Variants in ZBTB16 observed in about 807,000 individuals in gnomAD.
ZBTB16 encodes zinc finger and BTB domain-containing protein 16.
Under a neutral mutation model 56.8 loss-of-function variants are expected in ZBTB16, and 8 were observed. That is an observed-to-expected ratio of 0.14 (90% confidence interval 0.08 to 0.25). The LOEUF is 0.25. ZBTB16 is among the 10% of genes least tolerant of loss of function. ZBTB16 has a pLI of 1.00. For synonymous variants in ZBTB16, 363 were observed against 368.5 expected, an observed-to-expected ratio of 0.98 and a Z score of 0.17; for missense variants, 625 against 903.0, an observed-to-expected ratio of 0.69 and a Z score of 3.95.
chr11:114,173,838 T>C (rs1163286696), intron 3 of ZBTB16, among the ~76,000 whole-genome samples: 1 of 152,230 alleles, frequency 6.6e-6, no homozygotes, highest in Non-Finnish European at 1.5e-5. Flanking sequence ...CATTCATCAA[T>C]GTGAGAGTCC....
At chr11:114,144,632 C>T (rs761563051) in intron 2 of ZBTB16, among the ~76,000 whole-genome samples, 24 of 152,250 alleles carry the variant, frequency 1.6e-4, no homozygotes, top group Non-Finnish European at 2.9e-4. Context: ...GAGAGGCTCT[C>T]GCCCTTGGCT....
intron 2 of ZBTB16, among the ~76,000 whole-genome samples, chr11:114,072,555 CCTG>C (rs1313065041): frequency 3.3e-5 from 5 of 152,158 alleles, no homozygotes; most frequent in Non-Finnish European, 5.9e-5. Context: ...CCTTCCCTTT[CCTG>C]CCTGTCAGTG....
chr11:114,077,362 C>G (rs758446661), intron 2 of ZBTB16, among the ~76,000 whole-genome samples: 8 of 152,188 alleles, frequency 5.3e-5, no homozygotes, highest in Non-Finnish European at 7.3e-5. Flanking sequence ...AAGATGCCAC[C>G]TGGACCCCAG....
intron 2 of ZBTB16, among the ~76,000 whole-genome samples, chr11:114,080,942 C>T (rs997675740): frequency 2.0e-5 from 3 of 152,188 alleles, no homozygotes; most frequent in Non-Finnish European, 2.9e-5. Context: ...GTCCAAGAAT[C>T]ACAGTCAGAG....
Position 114,100,196 on chromosome 11 carries a change from C to T in ZBTB16, c.1268+35628C>T, listed in dbSNP as rs572022711. 2.6e-5 allele frequency among the ~76,000 whole-genome samples: 4 copies of T among 152,274 alleles called. No homozygotes were observed. The East Asian group carries it at 7.7e-4, about 29-fold the overall frequency. ...GCAGGTTCTCCTTAATCAGTAGTGG[C>T]AAAATGTCTCTTTCCTTTCTCCACG... On this transcript the variant is annotated intron_variant, in intron 2 of 6. Coordinates refer to ENST00000335953, the MANE Select transcript of ZBTB16 (RefSeq NM_006006.6).
At chr11:114,190,865 A>G (rs957932349) in intron 4 of ZBTB16, among the ~76,000 whole-genome samples, 1 of 152,196 alleles carries the variant, frequency 6.6e-6, no homozygotes, top group African/African-American at 2.4e-5. Context: ...TGGGTAATTT[A>G]CAAAGAGGTT....
chr11:114,160,135 C>A (rs973961988), intron 3 of ZBTB16, among the ~76,000 whole-genome samples: 1 of 152,172 alleles, frequency 6.6e-6, no homozygotes, highest in Non-Finnish European at 1.5e-5. Flanking sequence ...CCCCTCTTGG[C>A]GAGCATTGCC....
rs566015 is a variant in ZBTB16, at chr11:114,192,790, G to C, written c.1453+5752G>C. Among the ~76,000 whole-genome samples, 150 of 151,600 alleles carry C rather than the reference G, an allele frequency of 9.9e-4. 2 individuals carry two copies. The East Asian group carries it at 0.013, about 13-fold the overall frequency. Reference sequence around the variant, plus strand: ...CCAGCCATTTTCTTATTGCTAGACCGCATGTAACTGAGAATCCCACTCTGA... The same window carrying C: ...CCAGCCATTTTCTTATTGCTAGACCCCATGTAACTGAGAATCCCACTCTGA... On this transcript the variant is annotated intron_variant, in intron 4 of 6. Coordinates refer to ENST00000335953, the MANE Select transcript of ZBTB16 (RefSeq NM_006006.6).
chr11:114,065,371 C>A (rs1407732123), intron 2 of ZBTB16, among the ~76,000 whole-genome samples: 3 of 152,192 alleles, frequency 2.0e-5, no homozygotes, highest in Non-Finnish European at 2.9e-5. Context: ...TAAGCACTTT[C>A]CATGAGTTGC....
intron 6 of ZBTB16, among the ~76,000 whole-genome samples, chr11:114,248,678 C>T (rs1181555297): frequency 6.6e-6 from 1 of 152,138 alleles, no homozygotes; most frequent in Admixed American, 6.5e-5. Context: ...ACAGAAGGAG[C>T]AGTAAGCAGA....
chr11:114,072,779 G>A (rs550928779), intron 2 of ZBTB16, among the ~76,000 whole-genome samples: 9 of 152,256 alleles, frequency 5.9e-5, no homozygotes, highest in East Asian at 3.9e-4. Context: ...CAGGCCGGGC[G>A]CAGTGGCTCA....
At chr11:114,205,856 C>T (rs936047926) in intron 4 of ZBTB16, among the ~76,000 whole-genome samples, 8 of 152,258 alleles carry the variant, frequency 5.3e-5, no homozygotes, top group African/African-American at 1.9e-4. Flanking sequence ...TAGAGTCACT[C>T]TGACTGCTCT....
intron 4 of ZBTB16, among the ~76,000 whole-genome samples, chr11:114,193,805 G>A (rs1353070742): frequency 6.6e-6 from 1 of 152,174 alleles, no homozygotes; most frequent in Admixed American, 6.5e-5. Context: ...CCCTGGGACA[G>A]TAAAAATACT....
At chr11:114,114,753 C>A (rs1439480328) in intron 2 of ZBTB16, among the ~76,000 whole-genome samples, 1 of 151,186 alleles carries the variant, frequency 6.6e-6, no homozygotes, top group Non-Finnish European at 1.5e-5. Flanking sequence ...AATCTTGGCT[C>A]ACTGCAACCT....
intron 2 of ZBTB16, among the ~76,000 whole-genome samples, chr11:114,115,149 C>T (rs913953413): frequency 6.6e-6 from 1 of 152,086 alleles, no homozygotes; most frequent in Non-Finnish European, 1.5e-5. Flanking sequence ...TCTCTACCCT[C>T]GCCTGAGACA....
At chr11:114,088,339 G>A (rs2606723) in intron 2 of ZBTB16, among the ~76,000 whole-genome samples, 94,761 of 151,626 alleles carry the variant, frequency 0.62, 29,899 homozygotes, top group Non-Finnish European at 0.66. Flanking sequence ...ATGCGGTTTC[G>A]CCATGCTGGC....
At position 114,142,344 on chromosome 11, in the gene ZBTB16, A is replaced by G. The variant is rs148072078; in HGVS notation, c.1269-13993A>G. On this transcript the variant is annotated intron_variant, in intron 2 of 6. Coordinates refer to ENST00000335953, the MANE Select transcript of ZBTB16 (RefSeq NM_006006.6). ...TCTGTGCACAAGCCTTGAAATGACA[A>G]AGTACCCTTTAGTTAATTGCACAAC... is the stretch of plus-strand genomic sequence containing the variant. Among the ~76,000 whole-genome samples, 737 of 152,318 alleles carry G rather than the reference A, an allele frequency of 4.8e-3. 2 individuals carry two copies. Among genetic ancestry groups the G allele is most frequent in the Non-Finnish European group, 6.3e-3 (430 of 68,034 alleles).
intron 4 of ZBTB16, among the ~76,000 whole-genome samples, chr11:114,235,542 C>A (rs908107408): frequency 6.6e-6 from 1 of 152,202 alleles, no homozygotes; most frequent in Non-Finnish European, 1.5e-5. Context: ...GTGAAATACC[C>A]TAGGTCTGTG....
chr11:114,107,065 G>A (rs1940818658), intron 2 of ZBTB16, among the ~76,000 whole-genome samples: 2 of 152,200 alleles, frequency 1.3e-5, no homozygotes, highest in African/African-American at 4.8e-5. Context: ...ATGCCCCTGA[G>A]AAAGACAGCT....
Sources: gnomAD v4.1 joint callset for allele counts (sites outside exome capture counted in the v4.1 genomes callset) on GRCh38, gnomAD v4.1.1 for gene constraint, MANE v1.5 for transcripts, NCBI Gene and HGNC (gene_info 2026-07-23, HGNC 2026-07-21) for gene names.